The following VIPR2 variants were observed in gnomAD, a reference collection of about 807,000 sequenced individuals.
The protein encoded by VIPR2 is vasoactive intestinal peptide receptor 2.
Under a neutral mutation model 58.0 loss-of-function variants are expected in VIPR2, and 48 were observed. The ratio of observed to expected loss-of-function variants is 0.83; its 90% CI spans 0.66 to 1.05. VIPR2 has a LOEUF of 1.05. Among genes scored for constraint, VIPR2 ranks in the 50% least tolerant of loss-of-function variants. The pLI is 0.00. For missense variants in VIPR2, 534 were observed against 558.0 expected (o/e 0.96, Z 0.43); for synonymous variants, 243 against 235.2 (o/e 1.03, Z -0.30).
At chr7:159,032,146 G>T (rs936550291) in intron 10 of VIPR2, 79 bp from the exon 11 acceptor site, 3 of 1,572,076 alleles carry the variant, frequency 1.9e-6, no homozygotes, top group African/African-American at 1.3e-5. Flanking sequence ...TTCTCAGGAG[G>T]GGGCAGCTGG....
chr7:159,144,590 C>T (rs1797615296), intron 1 of VIPR2, 131 bp downstream of exon 1: 1 of 1,400,852 alleles, frequency 7.1e-7, no homozygotes, highest in Non-Finnish European at 9.4e-7. Context: ...GGCGACCCCG[C>T]TCCCTCTCCC....
intron 4 of VIPR2, among the ~76,000 whole-genome samples, chr7:159,071,639 C>G (rs928481891): frequency 1.3e-5 from 2 of 152,210 alleles, no homozygotes; most frequent in African/African-American, 2.4e-5. Context: ...CACAGGAGAA[C>G]AGGTGCAAAG....
At chr7:159,142,374 C>T in intron 2 of VIPR2, 72 bp downstream of exon 2, 1 of 1,161,958 alleles carries the variant, frequency 8.6e-7, no homozygotes, top group East Asian at 2.4e-5. Context: ...TGACCCTGAA[C>T]CACAGCTGAG....
At chr7:159,114,240 T>C (rs1796150002) in intron 2 of VIPR2, among the ~76,000 whole-genome samples, 7 of 151,660 alleles carry the variant, frequency 4.6e-5, no homozygotes, top group Admixed American at 4.6e-4. Flanking sequence ...AGCAAGTCCT[T>C]CTGTAGGAGT....
At chr7:159,061,057 G>A (rs1275375000) in intron 4 of VIPR2, among the ~76,000 whole-genome samples, 1 of 152,180 alleles carries the variant, frequency 6.6e-6, no homozygotes, top group East Asian at 1.9e-4. Flanking sequence ...CAGCCACAAA[G>A]ACTGAAATCA....
intron 4 of VIPR2, among the ~76,000 whole-genome samples, chr7:159,065,339 G>A (rs1307991344): frequency 2.6e-5 from 4 of 152,136 alleles, no homozygotes; most frequent in Admixed American, 1.3e-4. Flanking sequence ...GGGGGCAGGA[G>A]GGCGGCCACC....
intron 8 of VIPR2, chr7:159,035,648 T>C: frequency 3.1e-6 from 3 of 980,298 alleles, no homozygotes; most frequent in Non-Finnish European, 3.6e-6. Flanking sequence ...GGCACTTGGC[T>C]TTCTTCTGTG....
rs1264582168 is a variant in VIPR2, at chr7:159,043,017, T to C, written c.597+18A>G. Reference sequence around the variant, plus strand: ...AAAGGGACAAGACAGTGGGACCCTGTGGTGGGGACAGCCTTACCCAGGAGG... The same window carrying C: ...AAAGGGACAAGACAGTGGGACCCTGCGGTGGGGACAGCCTTACCCAGGAGG... On this transcript the variant is annotated intron_variant, in intron 6 of 12. Transcript: ENST00000262178. The C allele has an allele frequency of 2.5e-6, 4 of 1,612,224 alleles. No individual in the cohort carries two copies. Among genetic ancestry groups the C allele is most frequent in the Non-Finnish European group, 3.4e-6 (4 of 1,178,956 alleles).
chr7:159,034,684 C>T (rs768927585), intron 8 of VIPR2, 34 bp from the exon 9 acceptor site: 3 of 1,594,826 alleles, frequency 1.9e-6, no homozygotes, highest in East Asian at 2.2e-5. Context: ...AGGTTACCAC[C>T]AACCACTTTC....
At chr7:159,052,221 C>G (rs1037759864) in intron 5 of VIPR2, among the ~76,000 whole-genome samples, 5 of 152,112 alleles carry the variant, frequency 3.3e-5, no homozygotes, top group Admixed American at 3.3e-4. Context: ...AAAGAAAACA[C>G]AAATTGACAA....
intron 1 of VIPR2, 47 bp from the exon 2 acceptor site, chr7:159,142,592 A>C: frequency 1.3e-6 from 2 of 1,490,430 alleles, no homozygotes. Context: ...TTCCACAAGA[A>C]GAAGAAAAGC....
intron 10 of VIPR2, among the ~76,000 whole-genome samples, chr7:159,032,414 G>A (rs1213597438): frequency 6.6e-6 from 1 of 152,188 alleles, no homozygotes; most frequent in Non-Finnish European, 1.5e-5. Flanking sequence ...TGGGAGCCCG[G>A]CCCATCCTGA....
intron 10 of VIPR2, 99 bp from the exon 11 acceptor site, chr7:159,032,166 G>A: frequency 6.7e-7 from 1 of 1,498,728 alleles, no homozygotes. Context: ...GGTGTGGGAG[G>A]GGCTCCACAC....
At chr7:159,075,453 A>G (rs1856587314) in intron 4 of VIPR2, among the ~76,000 whole-genome samples, 1 of 152,236 alleles carries the variant, frequency 6.6e-6, no homozygotes, top group Non-Finnish European at 1.5e-5. Context: ...CCCTATTTGC[A>G]AACAGTTTGT....
intron 2 of VIPR2, among the ~76,000 whole-genome samples, chr7:159,138,338 C>T (rs1036692588): frequency 6.6e-5 from 10 of 152,210 alleles, no homozygotes; most frequent in East Asian, 1.9e-4. Context: ...ATGACACAAC[C>T]GACACAGGAA....
intron 2 of VIPR2, among the ~76,000 whole-genome samples, chr7:159,132,617 G>A (rs1489685142): frequency 1.3e-5 from 2 of 152,282 alleles, no homozygotes; most frequent in African/African-American, 4.8e-5. Flanking sequence ...AGAAATGGGT[G>A]CAGCTCAGGG....
rs113146048 is a variant in VIPR2, at chr7:159,072,614, C to A, written c.358-14036G>T. Among the ~76,000 whole-genome samples the A allele has an allele frequency of 1.1e-4, 16 of 152,276 alleles. No individual in the cohort carries two copies. In the East Asian group the frequency reaches 3.1e-3, roughly 29 times the overall value. ...CACAGAAAGTTACCTCCTTCCTGGA[C>A]GACAGGCCCATGAGGCCCTGGGCCT... On this transcript the variant is annotated intron_variant, in intron 4 of 12. Transcript: ENST00000262178.
At chr7:159,104,514 T>C in intron 3 of VIPR2, among the ~76,000 whole-genome samples, 1 of 120,650 alleles carries the variant, frequency 8.3e-6, no homozygotes, top group Non-Finnish European at 1.7e-5. Context: ...GCACCCTACC[T>C]CCTCCTGGCA....
chr7:159,037,080 G>A (rs555812541), intron 6 of VIPR2, among the ~76,000 whole-genome samples, 178 bp from the exon 7 acceptor site: 4 of 152,312 alleles, frequency 2.6e-5, no homozygotes, highest in African/African-American at 9.6e-5. Context: ...AGGAATGCCT[G>A]CTGGTGGCAC....
Sources: gnomAD v4.1 joint callset for allele counts (sites outside exome capture counted in the v4.1 genomes callset) on GRCh38, gnomAD v4.1.1 for gene constraint, MANE v1.5 for transcripts, NCBI Gene and HGNC (gene_info 2026-07-23, HGNC 2026-07-21) for gene names.